Variants in RNLS observed in about 807,000 individuals in gnomAD.
The protein encoded by RNLS is renalase, FAD dependent amine oxidase.
RNLS carries 39 observed loss-of-function variants against 39.8 expected under a neutral mutation model. The ratio of observed to expected loss-of-function variants is 0.98; its 90% CI spans 0.76 to 1.28. The LOEUF (loss-of-function observed/expected upper bound fraction) is 1.28. RNLS is among the 50% of genes most tolerant of loss of function. The pLI is 0.00. For synonymous variants in RNLS, 147 were observed against 150.7 expected (o/e 0.98, Z 0.18); for missense variants, 410 against 413.3 (o/e 0.99, Z 0.07).
intron 6 of RNLS, among the ~76,000 whole-genome samples, chr10:88,291,632 T>C (rs1843676462): frequency 6.6e-6 from 1 of 152,186 alleles, no homozygotes; most frequent in Non-Finnish European, 1.5e-5. Context: ...GAATTCTATA[T>C]ACCAACCCTG....
chr10:88,474,605 C>T (rs1193495625), intron 4 of RNLS, among the ~76,000 whole-genome samples: 1 of 152,126 alleles, frequency 6.6e-6, no homozygotes, highest in Non-Finnish European at 1.5e-5. Context: ...TTTCCTGGCA[C>T]TTTTGAGTAA....
At chr10:88,222,087 T>C in the RNLS span, among the ~76,000 whole-genome samples, 3 of 152,122 alleles carry the variant, frequency 2.0e-5, no homozygotes, top group African/African-American at 7.2e-5. Flanking sequence ...TAATTATTAT[T>C]TTTGTTTGCC....
intron 4 of RNLS, among the ~76,000 whole-genome samples, chr10:88,493,017 T>A (rs954488966): frequency 2.0e-5 from 3 of 152,190 alleles, no homozygotes; most frequent in African/African-American, 7.2e-5. Flanking sequence ...CATTTGTGGA[T>A]GTTACCTACA....
chr10:88,254,077 AAAG>A, the RNLS span, among the ~76,000 whole-genome samples: 1 of 152,254 alleles, frequency 6.6e-6, no homozygotes, highest in Non-Finnish European at 1.5e-5. Context: ...ACTTTTTCAT[AAAG>A]AAGAACATTT....
chr10:88,244,584 A>G, the RNLS span, among the ~76,000 whole-genome samples: 12 of 152,236 alleles, frequency 7.9e-5, no homozygotes, highest in Non-Finnish European at 1.2e-4. Flanking sequence ...AAAAAACAAG[A>G]TGATTCAAAC....
At chr10:88,430,979 C>A (rs1433731825) in intron 4 of RNLS, among the ~76,000 whole-genome samples, 1 of 151,542 alleles carries the variant, frequency 6.6e-6, no homozygotes, top group Non-Finnish European at 1.5e-5. Flanking sequence ...TTGAGTAATG[C>A]TGGCTTCATG....
intron 4 of RNLS, among the ~76,000 whole-genome samples, chr10:88,518,680 A>G: frequency 6.6e-6 from 1 of 151,944 alleles, no homozygotes; most frequent in Non-Finnish European, 1.5e-5. Flanking sequence ...CTTGTTTTGG[A>G]AAAAAATCAC....
chr10:88,281,399 G>A (rs1158431417), downstream of RNLS, among the ~76,000 whole-genome samples: 1 of 152,108 alleles, frequency 6.6e-6, no homozygotes, highest in Non-Finnish European at 1.5e-5. Context: ...CTAGCTTCAC[G>A]AATTAGAGCA....
At chr10:88,428,864 G>A (rs1854972783) in intron 4 of RNLS, among the ~76,000 whole-genome samples, 1 of 151,938 alleles carries the variant, frequency 6.6e-6, no homozygotes, top group African/African-American at 2.4e-5. Flanking sequence ...GTGCCAATGT[G>A]TCATTAAAGG....
At chr10:88,249,404 C>G in the RNLS span, among the ~76,000 whole-genome samples, 2 of 152,108 alleles carry the variant, frequency 1.3e-5, no homozygotes, top group African/African-American at 4.8e-5. Flanking sequence ...ACCTGTAATT[C>G]TGATTACTAT....
chr10:88,454,570 T>C (rs1842528130), intron 4 of RNLS, among the ~76,000 whole-genome samples: 1 of 152,244 alleles, frequency 6.6e-6, no homozygotes. Context: ...TAAATGATTA[T>C]GACCTTCAAA....
rs1848690178 is a variant in RNLS, at chr10:88,553,346, T to G, written c.526+19557A>C. Among the ~76,000 whole-genome samples, 3 of 152,176 alleles carry G rather than the reference T, an allele frequency of 2.0e-5. No individual in the cohort carries two copies. In the South Asian group the frequency reaches 6.2e-4, roughly 32 times the overall value. On this transcript the variant is annotated intron_variant, in intron 4 of 6. Coordinates refer to ENST00000331772, the MANE Select transcript of RNLS (RefSeq NM_001031709.3). Reference sequence around the variant, plus strand: ...TGTGGCATTGGCTTTCAGAAGAACATTTAAACACTGCCACATGCTGTTCAT... The same window carrying G: ...TGTGGCATTGGCTTTCAGAAGAACAGTTAAACACTGCCACATGCTGTTCAT...
chr10:88,412,070 A>G (rs1032477717), intron 4 of RNLS, among the ~76,000 whole-genome samples: 1 of 152,048 alleles, frequency 6.6e-6, no homozygotes, highest in Non-Finnish European at 1.5e-5. Context: ...AATTTTAAGA[A>G]GGATGGTGAT....
chr10:88,255,627 C>T, the RNLS span, among the ~76,000 whole-genome samples: 1 of 152,220 alleles, frequency 6.6e-6, no homozygotes, highest in Non-Finnish European at 1.5e-5. Flanking sequence ...CACAAGTTTT[C>T]GTCTGCTGTG....
At chr10:88,475,383 C>G (rs1843755506) in intron 4 of RNLS, among the ~76,000 whole-genome samples, 1 of 152,144 alleles carries the variant, frequency 6.6e-6, no homozygotes, top group Non-Finnish European at 1.5e-5. Context: ...CAATCTTCTC[C>G]CTAAAAATTC....
At chr10:88,506,447 G>T (rs960936325) in intron 4 of RNLS, among the ~76,000 whole-genome samples, 1 of 152,084 alleles carries the variant, frequency 6.6e-6, no homozygotes, top group South Asian at 2.1e-4. Flanking sequence ...ACTTTTAAGT[G>T]ATGCATGCTG....
At chr10:88,425,855 G>A (rs569693169) in intron 4 of RNLS, among the ~76,000 whole-genome samples, 3 of 152,020 alleles carry the variant, frequency 2.0e-5, no homozygotes, top group Non-Finnish European at 2.9e-5. Context: ...AAAAAGAATG[G>A]TAAGAGTAGG....
intron 4 of RNLS, among the ~76,000 whole-genome samples, chr10:88,390,735 G>C (rs1245334215): frequency 6.6e-6 from 1 of 152,144 alleles, no homozygotes; most frequent in Non-Finnish European, 1.5e-5. Context: ...TTCTTGGGAA[G>C]GGTGTCTCAA....
chr10:88,381,503 T>A (rs888473009), intron 4 of RNLS, among the ~76,000 whole-genome samples: 1 of 151,766 alleles, frequency 6.6e-6, no homozygotes, highest in Non-Finnish European at 1.5e-5. Flanking sequence ...ATATACATAT[T>A]AAAAGTATTT....
Sources: gnomAD v4.1 joint callset for allele counts (sites outside exome capture counted in the v4.1 genomes callset) on GRCh38, gnomAD v4.1.1 for gene constraint, MANE v1.5 for transcripts, NCBI Gene and HGNC (gene_info 2026-07-23, HGNC 2026-07-21) for gene names.